ERBIN: variants seen among roughly 807,000 people sequenced by gnomAD.
ERBIN encodes the protein erbb2 interacting protein.
ERBIN carries 60 observed loss-of-function variants against 158.4 expected under a neutral mutation model. That is an observed-to-expected ratio of 0.38 (90% CI 0.31 to 0.47). ERBIN has a LOEUF of 0.47. ERBIN is among the 20% of genes least tolerant of loss of function. The probability of loss-of-function intolerance (pLI) is 0.99; values close to 1 mark genes in which losing one functional copy is unlikely to be tolerated. For missense variants in ERBIN, 1,610 were observed against 1,648.0 expected, an observed-to-expected ratio of 0.98 and a Z score of 0.40; for synonymous variants, 594 against 557.2, an observed-to-expected ratio of 1.07 and a Z score of -0.93.
At chr5:65,992,316 T>G (rs1169758466) in intron 2 of ERBIN, among the ~76,000 whole-genome samples, 1 of 152,030 alleles carries the variant, frequency 6.6e-6, no homozygotes, top group Admixed American at 6.6e-5. Flanking sequence ...GCCCAGCTAA[T>G]TTTTTGTATT....
chr5:66,046,452 A>G lies in ERBIN; in HGVS notation c.1702A>G (p.Ile568Val). Residue 568 changes from isoleucine (I) to valine (V), a missense_variant, in exon 18 of 26, where the codon ATT becomes GTT. By Grantham distance (29) the Ile-to-Val change is conservative. Transcript: ENST00000284037. ...GAAGATCAGTGAACCTGAAGCTGAG[A>G]TTAGTCCTGGGAGTTTACCAGTGAC... ...VQKISEPEAE[I>V]SPGSLPVTAN... The G allele has an allele frequency of 1.2e-6, 2 of 1,612,670 alleles. No individual in the cohort carries two copies. Among genetic ancestry groups the G allele is most frequent in the South Asian group, 2.2e-5 (2 of 90,904 alleles).
rs571168028 is a variant in ERBIN at position 66,041,235 on chromosome 5, TTGAG to T, written c.1307-1838_1307-1835del. ...AAAGTTTACCAGCAATAATAAGGAA[TTGAG>T]TGATTTGGAAGAACAGGTGTAGTGG... On this transcript the variant is annotated intron_variant, in intron 15 of 25. Coordinates refer to ENST00000284037, the MANE Select transcript of ERBIN (RefSeq NM_001253697.2). 6.6e-5 allele frequency among the ~76,000 whole-genome samples: 10 copies of T among 152,004 alleles called. No individual in the cohort carries two copies. In the South Asian group the frequency reaches 1.7e-3, roughly 25 times the overall value.
chr5:65,994,758 C>T lies in ERBIN; in HGVS notation c.201C>T (p.Asn67=). 1 of 1,588,878 alleles carries T rather than the reference C, an allele frequency of 6.3e-7. No individual in the cohort carries two copies. The highest frequency in any genetic ancestry group is 8.6e-7 in the Non-Finnish European group (1 of 1,168,678). ...CCTTTTTTCAATAGCAACTTTTTAACTGTCAGTCTTTACACAAACTGAGTT... is the reference window on the plus strand; with the variant it reads ...CCTTTTTTCAATAGCAACTTTTTAATTGTCAGTCTTTACACAAACTGAGTT... ...QIEELPKQLF[N]CQSLHKLSLP... is the part of the protein sequence containing the mutation. Residue 67 remains asparagine (N), a synonymous_variant, in exon 4 of 26, where the codon AAC becomes AAT. Coordinates refer to ENST00000284037, the MANE Select transcript of ERBIN (RefSeq NM_001253697.2).
intron 1 of ERBIN, among the ~76,000 whole-genome samples, chr5:65,936,156 G>C (rs1477586041): frequency 6.6e-6 from 1 of 151,960 alleles, no homozygotes; most frequent in African/African-American, 2.4e-5. Context: ...AGGGAGGTCT[G>C]ATGGAGGGGG....
chr5:66,028,312 A>G lies in ERBIN; in HGVS notation c.1175A>G (p.Gln392Arg). The G allele has an allele frequency of 6.2e-7, 1 of 1,612,860 alleles. No individual in the cohort carries two copies. Among genetic ancestry groups the G allele is most frequent in the Non-Finnish European group, 8.5e-7 (1 of 1,179,238 alleles). Residue 392 changes from glutamine (Q) to arginine (R), a missense_variant, in exon 14 of 26, where the codon CAA (glutamine) becomes CGA (arginine). Physicochemically the swap from Gln to Arg is conservative, Grantham distance 43. This residue lies in a region of ERBIN where 596 missense variants were observed against 711.9 expected (regional missense o/e 0.84). Transcript: ENST00000284037. ...NLPFSFTKLQ[Q>R]LTAMWLSDNQ... ...CCCTTTAGCTTTACAAAGCTACAGC[A>G]ATTGACAGCTATGTGGCTCTCAGAT...
chr5:65,944,933 C>T (rs192095230), intron 1 of ERBIN, among the ~76,000 whole-genome samples: 19 of 152,008 alleles, frequency 1.2e-4, no homozygotes, highest in African/African-American at 4.6e-4. Context: ...TTTATTTTTA[C>T]TCTCTTGATA....
intron 21 of ERBIN, among the ~76,000 whole-genome samples, chr5:66,062,734 CTGTT>C (rs1426108434): frequency 6.6e-6 from 1 of 152,048 alleles, no homozygotes; most frequent in Non-Finnish European, 1.5e-5. Context: ...GATGTCCTTT[CTGTT>C]TGTTAGTTTT....
chr5:66,006,521 A>G (rs931126872), intron 4 of ERBIN, among the ~76,000 whole-genome samples: 1 of 152,200 alleles, frequency 6.6e-6, no homozygotes, highest in African/African-American at 2.4e-5. Context: ...AGCAATGACA[A>G]CAAAAGCCAA....
In ERBIN at chr5:66,065,590, CCTGTGTGTGTGTGTGTGTG is replaced by C. The variant is rs1372950991; in HGVS notation, c.3634-6578_3634-6560del. Among the ~76,000 whole-genome samples the C allele has an allele frequency of 7.5e-3, 823 of 109,470 alleles. 10 individuals carry two copies. Among genetic ancestry groups the C allele is most frequent in the African/African-American group, 0.025 (775 of 30,850 alleles). The allele number at this position is 109,470 out of a possible 152,430, so 71.8% of individuals were successfully genotyped here. Reference sequence around the variant, plus strand: ...TCAGAGATTTTCAGATTAATTTTGACCTGTGTGTGTGTGTGTGTGTGTGTGTGTGTGTGTGTGTGTGTGT... The same window carrying C: ...TCAGAGATTTTCAGATTAATTTTGACTGTGTGTGTGTGTGTGTGTGTGTGT... On this transcript the variant is annotated intron_variant, in intron 21 of 25. Coordinates refer to ENST00000284037, the MANE Select transcript of ERBIN (RefSeq NM_001253697.2).
intron 15 of ERBIN, among the ~76,000 whole-genome samples, chr5:66,041,620 G>A (rs148919745): frequency 1.6e-3 from 251 of 152,144 alleles, no homozygotes; most frequent in Non-Finnish European, 2.8e-3. Context: ...GAGAAGCATG[G>A]TATAAGTTAA....
chr5:65,966,591 A>G (rs1270220235), intron 1 of ERBIN, among the ~76,000 whole-genome samples: 1 of 148,534 alleles, frequency 6.7e-6, no homozygotes, highest in African/African-American at 2.5e-5. Context: ...GAGGCAGGAG[A>G]ATCGCTTGAA....
chr5:66,002,079 C>T (rs1458071822), intron 4 of ERBIN, among the ~76,000 whole-genome samples: 1 of 152,080 alleles, frequency 6.6e-6, no homozygotes, highest in Non-Finnish European at 1.5e-5. Context: ...ATTTTCTGTT[C>T]CTGTGTTAGT....
chr5:66,004,399 T>C (rs251302), intron 4 of ERBIN, among the ~76,000 whole-genome samples: 139,451 of 152,126 alleles, frequency 0.92, 64,285 homozygotes, highest in African/African-American at 0.98. Flanking sequence ...TGCGCGCGCG[T>C]GCGTGTGTGT....
chr5:66,069,739 C>T (rs1050030261), intron 21 of ERBIN, among the ~76,000 whole-genome samples: 6 of 152,144 alleles, frequency 3.9e-5, no homozygotes, highest in Non-Finnish European at 8.8e-5. Flanking sequence ...CCTTCAATCC[C>T]GAAAAGACTG....
At chr5:65,936,981 A>C (rs1477819951) in intron 1 of ERBIN, among the ~76,000 whole-genome samples, 1 of 152,208 alleles carries the variant, frequency 6.6e-6, no homozygotes, top group Non-Finnish European at 1.5e-5. Flanking sequence ...ACTTGTGGAC[A>C]TCTGAGAGAG....
At chr5:65,980,846 T>C (rs765563625) in intron 1 of ERBIN, among the ~76,000 whole-genome samples, 2 of 152,184 alleles carry the variant, frequency 1.3e-5, no homozygotes, top group Non-Finnish European at 2.9e-5. Context: ...TAGACAAATT[T>C]ACAACTATAG....
Position 66,053,981 on chromosome 5 carries a change from G to A in ERBIN, c.2663G>A (p.Ser888Asn), listed in dbSNP as rs1042142555. Reference sequence around the variant, plus strand: ...GGGCTAAAAATCTATGATATTCTTAGTGATAATGGACCTCAGCAGCCAAGT... The same window carrying A: ...GGGCTAAAAATCTATGATATTCTTAATGATAATGGACCTCAGCAGCCAAGT... ...IGGLKIYDIL[S>N]DNGPQQPSTT... The change falls in exon 21 of 26, where the codon AGT (serine) becomes AAT (asparagine). Residue 888 changes from serine to asparagine, a missense_variant. This residue lies in a region of ERBIN where 1,014 missense variants were observed against 936.1 expected (regional missense o/e 1.08). Transcript: ENST00000284037. 1.2e-6 allele frequency: 2 copies of A among 1,614,114 alleles called. No homozygotes were observed. Among genetic ancestry groups the A allele is most frequent in the Non-Finnish European group, 1.7e-6 (2 of 1,180,016 alleles).
intron 1 of ERBIN, among the ~76,000 whole-genome samples, chr5:65,938,204 A>G (rs538422225): frequency 5.3e-5 from 8 of 152,170 alleles, no homozygotes; most frequent in Non-Finnish European, 8.8e-5. Context: ...TTATGAGGCT[A>G]TTTCATCAAT....
intron 23 of ERBIN, chr5:66,076,103 G>A (rs1761964968): frequency 1.9e-6 from 1 of 527,360 alleles, no homozygotes; most frequent in Non-Finnish European, 3.3e-6. Context: ...TAGGAGCTAT[G>A]CTTTATATAA....
Sources: allele counts gnomAD v4.1 joint callset (sites outside exome capture counted in the v4.1 genomes callset), GRCh38; gene constraint gnomAD v4.1.1; regional missense constraint gnomAD v4.1.1; transcripts MANE v1.5; gene names NCBI Gene and HGNC (gene_info 2026-07-23, HGNC 2026-07-21).